Variants in CSMD1 observed in about 807,000 individuals in gnomAD.
CSMD1 encodes the protein CUB and sushi domain-containing protein 1.
CSMD1 carries 213 observed loss-of-function variants against 417.5 expected under a neutral mutation model. The observed-to-expected ratio is 0.51, with a 90% CI of 0.46 to 0.57. CSMD1 has a LOEUF of 0.57. CSMD1 is among the 20% of genes least tolerant of loss of function. CSMD1 has a pLI of 0.00. For synonymous variants in CSMD1, 2,862 were observed against 1,736.8 expected (o/e 1.65, Z -16.11); for missense variants, 6,923 against 4,529.7 (o/e 1.53, Z -15.17).
At chr8:4,902,394 G>C (rs759890895) in intron 1 of CSMD1, among the ~76,000 whole-genome samples, 5 of 149,568 alleles carry the variant, frequency 3.3e-5, no homozygotes, top group African/African-American at 4.9e-5. Context: ...CCATGATTGT[G>C]CCACTTAGCA....
intron 1 of CSMD1, among the ~76,000 whole-genome samples, chr8:4,833,229 C>G (rs998005039): frequency 6.6e-6 from 1 of 152,188 alleles, no homozygotes; most frequent in Non-Finnish European, 1.5e-5. Context: ...TTAACTGACT[C>G]ACAATTCCAC....
intron 7 of CSMD1, among the ~76,000 whole-genome samples, chr8:3,634,233 A>G (rs780536620): frequency 6.6e-6 from 1 of 152,204 alleles, no homozygotes; most frequent in Admixed American, 6.5e-5. Flanking sequence ...TCACGTGATT[A>G]ATGGTGGGGG....
chr8:4,207,283 T>C (rs1232974682), intron 3 of CSMD1, among the ~76,000 whole-genome samples: 1 of 152,168 alleles, frequency 6.6e-6, no homozygotes, highest in Admixed American at 6.5e-5. Context: ...TGTACAATTA[T>C]GGCTGGTCTA....
In CSMD1 at chr8:4,145,869, G is replaced by C. The variant is rs565257534; in HGVS notation, c.416-113770C>G. Among the ~76,000 whole-genome samples the C allele has an allele frequency of 1.6e-3, 243 of 151,134 alleles. 1 individual carries two copies. Among genetic ancestry groups the C allele is most frequent in the Non-Finnish European group, 2.5e-3 (167 of 68,010 alleles). ...CGTTCACACCAGCTTTGAATTTGTT[G>C]AGTTTTCAAAATCATGTCTTGCTCA... On this transcript the variant is annotated intron_variant, in intron 3 of 69. Transcript: ENST00000635120.
chr8:3,863,430 A>G (rs916187384), intron 5 of CSMD1, among the ~76,000 whole-genome samples: 1 of 151,072 alleles, frequency 6.6e-6, no homozygotes, highest in Non-Finnish European at 1.5e-5. Flanking sequence ...AATACCATTC[A>G]TGTGGGTAGA....
At chr8:3,733,793 T>C (rs1796389831) in intron 6 of CSMD1, among the ~76,000 whole-genome samples, 1 of 152,184 alleles carries the variant, frequency 6.6e-6, no homozygotes, top group Admixed American at 6.5e-5. Context: ...GGGTGGATAC[T>C]TGCATACTGT....
At chr8:3,290,629 C>G (rs1227481925) in intron 25 of CSMD1, among the ~76,000 whole-genome samples, 1 of 147,036 alleles carries the variant, frequency 6.8e-6, no homozygotes, top group Non-Finnish European at 1.5e-5. Context: ...CTCTGTTTGT[C>G]TGTTATTGGC....
chr8:4,325,042 A>G (rs1220138614), intron 3 of CSMD1, among the ~76,000 whole-genome samples: 1 of 152,178 alleles, frequency 6.6e-6, no homozygotes, highest in Non-Finnish European at 1.5e-5. Context: ...TGGCTCCTTA[A>G]AATGGCTTGT....
chr8:4,634,644 G>A (rs1341557036), intron 2 of CSMD1, among the ~76,000 whole-genome samples: 1 of 152,154 alleles, frequency 6.6e-6, no homozygotes, highest in African/African-American at 2.4e-5. Context: ...CTTAAGGGTT[G>A]CTACTTAATT....
chr8:4,565,456 G>T (rs1001618803), intron 2 of CSMD1, among the ~76,000 whole-genome samples: 10 of 151,922 alleles, frequency 6.6e-5, no homozygotes, highest in Admixed American at 2.0e-4. Context: ...ATAGATTTTA[G>T]CCCAGGCATA....
At chr8:3,716,054 C>T (rs1414541174) in intron 6 of CSMD1, among the ~76,000 whole-genome samples, 1 of 152,160 alleles carries the variant, frequency 6.6e-6, no homozygotes, top group East Asian at 1.9e-4. Flanking sequence ...GAATGTCCAC[C>T]CTCCTGTTCA....
intron 3 of CSMD1, among the ~76,000 whole-genome samples, chr8:4,176,639 T>G (rs1233695028): frequency 6.6e-6 from 1 of 151,560 alleles, no homozygotes; most frequent in South Asian, 2.1e-4. Context: ...ACTGGCAAAT[T>G]GGATAAAGAG....
intron 23 of CSMD1, among the ~76,000 whole-genome samples, chr8:3,309,030 G>T (rs1175747640): frequency 1.3e-5 from 2 of 152,016 alleles, no homozygotes; most frequent in African/African-American, 4.8e-5. Context: ...GGCCCCTCAA[G>T]CTCTTGTTTT....
At chr8:3,174,968 GCTAA>G (rs1417834620) in intron 37 of CSMD1, among the ~76,000 whole-genome samples, 2 of 151,888 alleles carry the variant, frequency 1.3e-5, no homozygotes, top group Non-Finnish European at 2.9e-5. Context: ...TCACTATATA[GCTAA>G]CTACCAATTA....
intron 2 of CSMD1, among the ~76,000 whole-genome samples, chr8:4,549,974 T>A (rs1003126408): frequency 1.2e-4 from 18 of 147,626 alleles, no homozygotes; most frequent in African/African-American, 4.5e-4. Flanking sequence ...TCTCTTAAAA[T>A]GGTAACTTTT....
chr8:4,972,454 T>C (rs1810299592), intron 1 of CSMD1, among the ~76,000 whole-genome samples: 1 of 152,162 alleles, frequency 6.6e-6, no homozygotes, highest in Admixed American at 6.5e-5. Flanking sequence ...TGGTAGTTCT[T>C]CCTGTGTTCA....
intron 3 of CSMD1, among the ~76,000 whole-genome samples, chr8:4,036,228 G>T (rs1041599387): frequency 6.6e-6 from 1 of 152,154 alleles, no homozygotes; most frequent in Non-Finnish European, 1.5e-5. Flanking sequence ...TTCTCAGAAT[G>T]CATCCCAGTT....
At chr8:3,764,483 T>C (rs1438016000) in intron 5 of CSMD1, among the ~76,000 whole-genome samples, 1 of 152,068 alleles carries the variant, frequency 6.6e-6, no homozygotes, top group Non-Finnish European at 1.5e-5. Flanking sequence ...GCACCCACAA[T>C]CTTTGAGAGC....
intron 5 of CSMD1, among the ~76,000 whole-genome samples, chr8:3,785,100 AT>A (rs1397080866): frequency 4.6e-5 from 7 of 152,184 alleles, no homozygotes; most frequent in African/African-American, 1.4e-4. Context: ...GATTGACTGA[AT>A]TTGAATCCTG....
Sources: gnomAD v4.1 joint callset for allele counts (sites outside exome capture counted in the v4.1 genomes callset) on GRCh38, gnomAD v4.1.1 for gene constraint, MANE v1.5 for transcripts, NCBI Gene and HGNC (gene_info 2026-07-23, HGNC 2026-07-21) for gene names.